The following CNTLN variants were observed in gnomAD, a reference collection of about 807,000 sequenced individuals.
CNTLN encodes centlein, also known as centlein, centrosomal protein.
Under a neutral mutation model 180.0 loss-of-function variants are expected in CNTLN, and 212 were observed. The observed-to-expected ratio is 1.18, with a 90% CI of 1.05 to 1.32. CNTLN has a LOEUF of 1.32. CNTLN is among the 40% of genes most tolerant of loss of function. The pLI is 0.00. For synonymous variants in CNTLN, 722 were observed against 563.1 expected (o/e 1.28, Z -3.99); for missense variants, 2,095 against 1,610.9 (o/e 1.30, Z -5.14).
chr9:17,314,702 G>A lies in CNTLN; in HGVS notation c.1341+5450G>A, dbSNP rs1475193203. Among the ~76,000 whole-genome samples, 9 of 152,270 alleles carry A rather than the reference G, an allele frequency of 5.9e-5. No individual in the cohort carries two copies. In the East Asian group the frequency reaches 1.7e-3, roughly 29 times the overall value. ...AAAATTCATCAGAATGGGTAACTTA[G>A]CCAATGCTGTTCCATTTTCCAACTA... On this transcript the variant is annotated intron_variant, in intron 8 of 25. Coordinates refer to ENST00000380647, the MANE Select transcript of CNTLN (RefSeq NM_017738.4).
intron 3 of CNTLN, among the ~76,000 whole-genome samples, chr9:17,226,733 G>A (rs1312676675): frequency 1.3e-5 from 2 of 151,660 alleles, no homozygotes; most frequent in Non-Finnish European, 2.9e-5. Flanking sequence ...CTTGAAACTG[G>A]GTAATTAATA....
intron 18 of CNTLN, among the ~76,000 whole-genome samples, chr9:17,444,812 T>G (rs1168901830): frequency 6.6e-6 from 1 of 152,206 alleles, no homozygotes; most frequent in African/African-American, 2.4e-5. Flanking sequence ...CAATTCTGAA[T>G]AGAAAATGAA....
At chr9:17,270,765 T>C (rs1214521901) in intron 5 of CNTLN, among the ~76,000 whole-genome samples, 1 of 152,156 alleles carries the variant, frequency 6.6e-6, no homozygotes, top group Non-Finnish European at 1.5e-5. Context: ...AATGTGTTGA[T>C]ATTTGTAACA....
At chr9:17,237,812 G>A (rs192002087) in intron 5 of CNTLN, among the ~76,000 whole-genome samples, 40 of 152,038 alleles carry the variant, frequency 2.6e-4, no homozygotes, top group African/African-American at 8.9e-4. Context: ...CATCTTTCTC[G>A]GTGTATAAAC....
chr9:17,218,683 G>A (rs1823927772), intron 2 of CNTLN, among the ~76,000 whole-genome samples: 1 of 152,082 alleles, frequency 6.6e-6, no homozygotes, highest in Non-Finnish European at 1.5e-5. Flanking sequence ...GAAAACGTTA[G>A]TCCAATAAAT....
At chr9:17,323,110 T>A (rs1372091550) in intron 8 of CNTLN, among the ~76,000 whole-genome samples, 1 of 152,178 alleles carries the variant, frequency 6.6e-6, no homozygotes, top group Non-Finnish European at 1.5e-5. Flanking sequence ...CTTTAACTGT[T>A]CTGGTCAATA....
chr9:17,203,102 G>C (rs11521300), intron 2 of CNTLN, among the ~76,000 whole-genome samples: 1 of 152,086 alleles, frequency 6.6e-6, no homozygotes, highest in Non-Finnish European at 1.5e-5. Context: ...ATGAAGCTTA[G>C]TTTGGCTGGA....
intron 2 of CNTLN, among the ~76,000 whole-genome samples, chr9:17,182,011 G>A (rs1451455939): frequency 1.3e-5 from 2 of 152,140 alleles, no homozygotes; most frequent in African/African-American, 2.4e-5. Flanking sequence ...TTACAGTATC[G>A]TGAATATGAA....
At chr9:17,401,035 C>T (rs998939524) in intron 15 of CNTLN, among the ~76,000 whole-genome samples, 1 of 152,112 alleles carries the variant, frequency 6.6e-6, no homozygotes, top group Non-Finnish European at 1.5e-5. Flanking sequence ...TCATTGAAGT[C>T]CTGATTCTTC....
chr9:17,204,680 C>T (rs1822788190), intron 2 of CNTLN, among the ~76,000 whole-genome samples: 1 of 152,198 alleles, frequency 6.6e-6, no homozygotes, highest in African/African-American at 2.4e-5. Flanking sequence ...CAGTCTTTCC[C>T]TTCTCTGAAC....
At chr9:17,328,294 C>G (rs957432683) in intron 8 of CNTLN, among the ~76,000 whole-genome samples, 1 of 152,130 alleles carries the variant, frequency 6.6e-6, no homozygotes, top group African/African-American at 2.4e-5. Flanking sequence ...TACTTCTACC[C>G]ACTACCACAT....
intron 15 of CNTLN, among the ~76,000 whole-genome samples, chr9:17,408,109 A>G (rs147523304): frequency 7.1e-6 from 1 of 140,608 alleles, no homozygotes; most frequent in African/African-American, 2.7e-5. Flanking sequence ...CCTGGGTACA[A>G]CAGAGTGAGA....
At chr9:17,197,530 G>C (rs1173770075) in intron 2 of CNTLN, among the ~76,000 whole-genome samples, 2 of 152,090 alleles carry the variant, frequency 1.3e-5, no homozygotes, top group Non-Finnish European at 2.9e-5. Context: ...CCGTTAGTAT[G>C]TCTTCTTTTG....
rs182686586 is a variant in CNTLN at position 17,406,020 on chromosome 9, A to G, written c.2616-3273A>G. Among the ~76,000 whole-genome samples the G allele has an allele frequency of 1.5e-3, 226 of 151,854 alleles. 2 individuals are homozygous for G. The highest frequency in any genetic ancestry group is 2.8e-3 in the Non-Finnish European group (193 of 68,022). Reference sequence around the variant, plus strand: ...TTTAGACATGTAAAGTTGACTGTCAACTTAGCATCATACTTGGATATCAAA... The same window carrying G: ...TTTAGACATGTAAAGTTGACTGTCAGCTTAGCATCATACTTGGATATCAAA... On this transcript the variant is annotated intron_variant, in intron 15 of 25. Transcript: ENST00000380647.
intron 14 of CNTLN, among the ~76,000 whole-genome samples, chr9:17,389,258 A>G (rs563481273): frequency 5.3e-5 from 8 of 152,236 alleles, no homozygotes; most frequent in African/African-American, 1.9e-4. Context: ...AGAAATGCTT[A>G]CATTCATTTA....
chr9:17,165,535 T>C (rs1663810037), intron 2 of CNTLN, among the ~76,000 whole-genome samples: 1 of 152,048 alleles, frequency 6.6e-6, no homozygotes, highest in Admixed American at 6.5e-5. Context: ...ATGGTTGGAG[T>C]GAAGGATGAG....
chr9:17,171,132 G>C (rs1820394263), intron 2 of CNTLN, among the ~76,000 whole-genome samples: 1 of 152,174 alleles, frequency 6.6e-6, no homozygotes, highest in African/African-American at 2.4e-5. Flanking sequence ...TGAATGCTTT[G>C]ACAATTCAAA....
At chr9:17,517,806 T>G in the CNTLN span, among the ~76,000 whole-genome samples, 12 of 152,038 alleles carry the variant, frequency 7.9e-5, no homozygotes, top group Admixed American at 7.2e-4. Context: ...TTGTGGTCAT[T>G]GGTTATGGCA....
intron 5 of CNTLN, among the ~76,000 whole-genome samples, chr9:17,242,392 C>T (rs1426218901): frequency 6.6e-6 from 1 of 152,084 alleles, no homozygotes; most frequent in East Asian, 1.9e-4. Flanking sequence ...TCACTGCAAC[C>T]TCCACCTCCT....
Sources: gnomAD v4.1 joint callset for allele counts (sites outside exome capture counted in the v4.1 genomes callset) on GRCh38, gnomAD v4.1.1 for gene constraint, MANE v1.5 for transcripts, NCBI Gene and HGNC (gene_info 2026-07-23, HGNC 2026-07-21) for gene names.